RARB: variants seen among roughly 807,000 people sequenced by gnomAD.
RARB encodes HBV-activated protein.
RARB carries 17 observed loss-of-function variants against 51.9 expected under a neutral mutation model. The ratio of observed to expected loss-of-function variants is 0.33; its 90% CI spans 0.22 to 0.49. The LOEUF (loss-of-function observed/expected upper bound fraction) is 0.49, where lower values mean the gene tolerates loss of function less well. Ranked by LOEUF, RARB falls within the 20% of genes least tolerant of loss-of-function variation. RARB has a pLI of 0.99. For missense variants in RARB, 369 were observed against 550.8 expected (o/e 0.67, Z 3.30); for synonymous variants, 215 against 195.4 (o/e 1.10, Z -0.84).
intron 5 of RARB, among the ~76,000 whole-genome samples, chr3:25,372,798 C>T (rs992896703): frequency 1.7e-4 from 26 of 151,990 alleles, no homozygotes; most frequent in Non-Finnish European, 2.8e-4. Context: ...TGCACTCCAG[C>T]CTGAACAACA....
At chr3:25,533,122 G>A (rs1041397423) in intron 3 of RARB, among the ~76,000 whole-genome samples, 5 of 152,146 alleles carry the variant, frequency 3.3e-5, no homozygotes, top group African/African-American at 9.7e-5. Context: ...CATTGTAAAG[G>A]CCATGTTAAT....
chr3:25,591,957 T>G (rs1701629158), intron 5 of RARB, among the ~76,000 whole-genome samples: 1 of 152,198 alleles, frequency 6.6e-6, no homozygotes, highest in Non-Finnish European at 1.5e-5. Flanking sequence ...TCATGGTTCA[T>G]GTGGTCCAGT....
intron 2 of RARB, among the ~76,000 whole-genome samples, chr3:24,902,981 G>C (rs944312501): frequency 6.6e-6 from 1 of 152,074 alleles, no homozygotes; most frequent in East Asian, 1.9e-4. Context: ...AAAATATATT[G>C]AGAGAAACAA....
chr3:25,025,209 A>T (rs1158763670), intron 2 of RARB: 1 of 152,202 alleles, frequency 6.6e-6, no homozygotes, highest in Non-Finnish European at 1.5e-5. Flanking sequence ...GAACATTTTC[A>T]TCTACATAGC....
At chr3:25,074,427 T>C (rs1214570807) in intron 3 of RARB, among the ~76,000 whole-genome samples, 1 of 152,184 alleles carries the variant, frequency 6.6e-6, no homozygotes, top group Non-Finnish European at 1.5e-5. Flanking sequence ...TTCCCGTTAC[T>C]CCCTAGGAAT....
intron 2 of RARB, among the ~76,000 whole-genome samples, chr3:24,935,299 GA>G (rs2125396257): frequency 6.6e-6 from 1 of 152,174 alleles, no homozygotes; most frequent in South Asian, 2.1e-4. Flanking sequence ...GTTAAAAAAA[GA>G]AAACAGTACT....
At chr3:24,913,757 C>A (rs530439978) in intron 2 of RARB, among the ~76,000 whole-genome samples, 1 of 152,080 alleles carries the variant, frequency 6.6e-6, no homozygotes, top group African/African-American at 2.4e-5. Flanking sequence ...ATATTTTGAA[C>A]GTTTTTGGGG....
chr3:25,050,855 A>G (rs1487800602), intron 2 of RARB, among the ~76,000 whole-genome samples: 1 of 152,180 alleles, frequency 6.6e-6, no homozygotes, highest in African/African-American at 2.4e-5. Flanking sequence ...GAAGACATTT[A>G]TTTCTGTCAT....
rs147806170 is a variant in RARB at position 24,904,766 on chromosome 3, T to C, written c.-380+46014T>C. Among the ~76,000 whole-genome samples, 1,292 of 152,288 alleles carry C rather than the reference T, an allele frequency of 8.5e-3. 17 individuals are homozygous for C. Among genetic ancestry groups the C allele is most frequent in the African/African-American group, 0.03 (1,230 of 41,556 alleles). Reference sequence around the variant, plus strand: ...AGCAAAAACTTGGAACCAACCCAAATGCCCATCAATGATAGGCTGGATAAA... The same window carrying C: ...AGCAAAAACTTGGAACCAACCCAAACGCCCATCAATGATAGGCTGGATAAA... On this transcript the variant is annotated intron_variant, in intron 2 of 11. Coordinates refer to the RARB transcript ENST00000383772.
chr3:25,406,428 G>C (rs143089002), intron 5 of RARB, among the ~76,000 whole-genome samples: 2 of 152,302 alleles, frequency 1.3e-5, no homozygotes, highest in Admixed American at 6.5e-5. Context: ...CCAAGATCAG[G>C]GTGCCAGTGG....
At chr3:25,390,170 C>A (rs1430223155) in intron 5 of RARB, among the ~76,000 whole-genome samples, 1 of 151,956 alleles carries the variant, frequency 6.6e-6, no homozygotes, top group African/African-American at 2.4e-5. Context: ...AGGATAGGGC[C>A]CTTATGAATG....
intron 3 of RARB, among the ~76,000 whole-genome samples, chr3:25,130,920 A>T (rs1699937910): frequency 4.5e-5 from 1 of 22,322 alleles, no homozygotes; most frequent in African/African-American, 1.4e-4. Context: ...TAATATTATC[A>T]ATATTTATCA....
intron 2 of RARB, among the ~76,000 whole-genome samples, chr3:25,025,490 C>T (rs969711344): frequency 2.0e-5 from 3 of 152,066 alleles, no homozygotes; most frequent in African/African-American, 4.8e-5. Context: ...TGTATGTGCC[C>T]AGCTGTTTGA....
intron 7 of RARB, 126 bp from the exon 8 acceptor site, chr3:25,596,294 T>C (rs939834738): frequency 5.4e-6 from 4 of 739,284 alleles, no homozygotes; most frequent in Non-Finnish European, 6.5e-6. Flanking sequence ...GATATCTACA[T>C]TTCATAATTC....
intron 3 of RARB, among the ~76,000 whole-genome samples, chr3:25,508,519 A>G (rs748935166): frequency 2.0e-5 from 3 of 152,240 alleles, no homozygotes; most frequent in Non-Finnish European, 4.4e-5. Flanking sequence ...TACTGGCTTA[A>G]TAACAGGGAA....
At chr3:25,450,185 T>C (rs991345636) in intron 1 of RARB, among the ~76,000 whole-genome samples, 5 of 152,350 alleles carry the variant, frequency 3.3e-5, no homozygotes, top group Admixed American at 2.6e-4. Context: ...ATTGTTGAAA[T>C]GTTTGACTAG....
chr3:25,534,625 C>T (rs1469902003), intron 3 of RARB, among the ~76,000 whole-genome samples: 2 of 152,180 alleles, frequency 1.3e-5, no homozygotes, highest in African/African-American at 4.8e-5. Flanking sequence ...TGTTTGGATA[C>T]ACTTTTGTGA....
At position 25,489,527 on chromosome 3, in the gene RARB, C is replaced by T. The variant is rs142564791; in HGVS notation, c.307-11655C>T. Among the ~76,000 whole-genome samples the T allele has an allele frequency of 6.1e-3, 925 of 152,270 alleles. 10 individuals carry two copies. The highest frequency in any genetic ancestry group is 0.022 in the African/African-American group (896 of 41,544). On this transcript the variant is annotated intron_variant, in intron 2 of 7. Transcript: ENST00000330688. ...TTTAATTATAAAAGTTGCATATACTCCATCACAAAAAAAGATTGTTACATC... is the reference window on the plus strand; with the variant it reads ...TTTAATTATAAAAGTTGCATATACTTCATCACAAAAAAAGATTGTTACATC...
At chr3:25,121,294 T>A (rs1183845950) in intron 3 of RARB, among the ~76,000 whole-genome samples, 1 of 152,164 alleles carries the variant, frequency 6.6e-6, no homozygotes, top group East Asian at 1.9e-4. Context: ...ATAAGAGGGC[T>A]TAAAACTCCC....
Sources: allele counts gnomAD v4.1 joint callset (sites outside exome capture counted in the v4.1 genomes callset), GRCh38; gene constraint gnomAD v4.1.1; transcripts MANE v1.5; gene names NCBI Gene and HGNC (gene_info 2026-07-23, HGNC 2026-07-21).